Variants in UGT1A10 observed in about 807,000 individuals in gnomAD.
UGT1A10 encodes the protein UDP-glucuronosyltransferase 1A10.
Under a neutral mutation model 45.8 loss-of-function variants are expected in UGT1A10, and 49 were observed. That is an observed-to-expected ratio of 1.07 (90% CI 0.85 to 1.36). The LOEUF is 1.36. UGT1A10 is among the 40% of genes most tolerant of loss of function. The pLI, the probability that UGT1A10 is intolerant of heterozygous loss-of-function variation, is 0.00. For missense variants in UGT1A10, 745 were observed against 668.6 expected (o/e 1.11, Z -1.26); for synonymous variants, 284 against 249.7 (o/e 1.14, Z -1.29).
At chr2:233,767,621 C>T (rs149525417) in intron 2 of UGT1A10, among the ~76,000 whole-genome samples, 1 of 152,276 alleles carries the variant, frequency 6.6e-6, no homozygotes, top group African/African-American at 2.4e-5. Flanking sequence ...AAGTGCACAG[C>T]TTGATAAATT....
chr2:233,647,238 A>G (rs1247147233), intron 1 of UGT1A10, among the ~76,000 whole-genome samples: 1 of 152,212 alleles, frequency 6.6e-6, no homozygotes, highest in Non-Finnish European at 1.5e-5. Flanking sequence ...TTCCAATTCA[A>G]GATGAGCTTT....
chr2:233,749,114 A>G (rs113228961), intron 1 of UGT1A10, among the ~76,000 whole-genome samples: 3 of 151,858 alleles, frequency 2.0e-5, no homozygotes, highest in African/African-American at 7.3e-5. Flanking sequence ...CAGCCTTTTT[A>G]TGTCATATTC....
At chr2:233,704,839 G>C (rs561823899) in intron 1 of UGT1A10, among the ~76,000 whole-genome samples, 8 of 151,956 alleles carry the variant, frequency 5.3e-5, no homozygotes, top group Admixed American at 5.3e-4. Flanking sequence ...TTTAAAATCA[G>C]TTAAGAGAAT....
At chr2:233,689,514 G>T (rs2074948140) in intron 1 of UGT1A10, among the ~76,000 whole-genome samples, 1 of 152,216 alleles carries the variant, frequency 6.6e-6, no homozygotes, top group South Asian at 2.1e-4. Flanking sequence ...GTTACACATT[G>T]GTTTGGTCAT....
intron 1 of UGT1A10, chr2:233,761,072 A>T (rs1451879441): frequency 1.2e-6 from 2 of 1,614,208 alleles, no homozygotes; most frequent in Non-Finnish European, 1.7e-6. Flanking sequence ...GACTTTGTGA[A>T]GGATTACCCT....
At chr2:233,717,497 T>A (rs2076580358) in intron 1 of UGT1A10, among the ~76,000 whole-genome samples, 1 of 152,206 alleles carries the variant, frequency 6.6e-6, no homozygotes, top group Admixed American at 6.5e-5. Flanking sequence ...GTTATCAATG[T>A]GGATTTCTAA....
chr2:233,700,901 T>A (rs940046248), intron 1 of UGT1A10, among the ~76,000 whole-genome samples: 32 of 151,466 alleles, frequency 2.1e-4, no homozygotes, highest in Admixed American at 2.1e-3. Context: ...GTCCCCGGTG[T>A]GTGACGTTCC....
At chr2:233,719,656 T>G in intron 1 of UGT1A10, 1 of 1,614,106 alleles carries the variant, frequency 6.2e-7, no homozygotes, top group Non-Finnish European at 8.5e-7. Flanking sequence ...ATTGGGGGCA[T>G]CAACTGTGCC....
At chr2:233,697,250 C>T (rs1170124115) in intron 1 of UGT1A10, among the ~76,000 whole-genome samples, 1 of 152,006 alleles carries the variant, frequency 6.6e-6, no homozygotes, top group African/African-American at 2.4e-5. Flanking sequence ...CTGCTTCAAT[C>T]TTGTTACTTA....
chr2:233,664,451 G>T (rs560422900), intron 1 of UGT1A10, among the ~76,000 whole-genome samples: 25 of 152,230 alleles, frequency 1.6e-4, no homozygotes, highest in African/African-American at 6.0e-4. Context: ...CCTGAGACTG[G>T]GTAATTTATA....
chr2:233,713,465 G>T lies in UGT1A10; in HGVS notation c.856-53569G>T, dbSNP rs147117995. ...TAACAGACCCCTTTCACCTCTGCGCGGCGGTGCTGGCTAAGTACCTGTCGA... is the reference window on the plus strand; with the variant it reads ...TAACAGACCCCTTTCACCTCTGCGCTGCGGTGCTGGCTAAGTACCTGTCGA... On this transcript the variant is annotated intron_variant, in intron 1 of 4. Transcript: ENST00000344644. 3.1e-6 allele frequency: 5 copies of T among 1,613,916 alleles called. No homozygotes were observed. In the African/African-American group the frequency reaches 5.3e-5, roughly 17 times the overall value.
At chr2:233,723,514 A>G (rs2077090409) in intron 1 of UGT1A10, among the ~76,000 whole-genome samples, 1 of 107,644 alleles carries the variant, frequency 9.3e-6, no homozygotes, top group Non-Finnish European at 1.8e-5. Context: ...CTGGTCAACA[A>G]TCTTTTTTTT....
At chr2:233,744,873 T>C (rs991695756) in intron 1 of UGT1A10, among the ~76,000 whole-genome samples, 13 of 151,922 alleles carry the variant, frequency 8.6e-5, no homozygotes, top group African/African-American at 3.2e-4. Context: ...AAGGGATTAG[T>C]TTAGGACAAC....
chr2:233,695,021 G>T (rs1263498020), intron 1 of UGT1A10, among the ~76,000 whole-genome samples: 2 of 152,084 alleles, frequency 1.3e-5, no homozygotes, highest in South Asian at 2.1e-4. Flanking sequence ...ATTTTGAACT[G>T]CAGTATACAT....
At position 233,772,420 on chromosome 2, in the gene UGT1A10, C is replaced by G. The variant is rs72551360; in HGVS notation, c.1454C>G (p.Ser485Cys). Residue 485 changes from serine (S) to cysteine (C), a missense_variant, in exon 5 of 5, where the codon TCC becomes TGC. Ser to Cys is a moderately radical substitution (Grantham distance 112, BLOSUM62 -1). Coordinates refer to ENST00000344644, the MANE Select transcript of UGT1A10 (RefSeq NM_019075.4). ...GACCTCACCTGGTACCAGTACCATTCCTTGGACGTGATTGGTTTCCTCTTG... is the reference window on the plus strand; with the variant it reads ...GACCTCACCTGGTACCAGTACCATTGCTTGGACGTGATTGGTTTCCTCTTG... ...AHDLTWYQYH[S>C]LDVIGFLLAV... is the part of the protein sequence containing the mutation. The G allele has an allele frequency of 1.2e-6, 2 of 1,614,120 alleles. No homozygotes were observed. Among genetic ancestry groups the G allele is most frequent in the African/African-American group, 2.7e-5 (2 of 74,942 alleles).
At position 233,637,094 on chromosome 2, in the gene UGT1A10, C is replaced by T; in HGVS notation, c.572C>T (p.Pro191Leu). ...AQCPAPLSYVPNDLLGFSDAM... is the reference protein window; with the variant it reads ...AQCPAPLSYVLNDLLGFSDAM... ...TGCCCTGCTCCTCTTTCCTATGTCC[C>T]CAATGATCTCTTAGGGTTCTCAGAT... is the stretch of plus-strand genomic sequence containing the variant. Residue 191 changes from proline to leucine, a missense_variant, in exon 1 of 5, where the codon CCC becomes CTC. By Grantham distance (98) the Pro-to-Leu change is moderately conservative. Coordinates refer to ENST00000344644, the MANE Select transcript of UGT1A10 (RefSeq NM_019075.4). 6.2e-7 allele frequency: 1 copy of T among 1,613,932 alleles called. No homozygotes were observed. Among genetic ancestry groups the T allele is most frequent in the South Asian group, 1.1e-5 (1 of 91,064 alleles).
At chr2:233,742,942 C>G (rs1321055603) in intron 1 of UGT1A10, 1 of 213,758 alleles carries the variant, frequency 4.7e-6, no homozygotes, top group South Asian at 7.7e-5. Context: ...TGTCCTACCA[C>G]TAGCAAATAA....
chr2:233,676,926 T>C (rs1348935488), intron 1 of UGT1A10, among the ~76,000 whole-genome samples: 1 of 152,230 alleles, frequency 6.6e-6, no homozygotes, highest in Non-Finnish European at 1.5e-5. Context: ...TTCTGTTCTG[T>C]TGATCTATTT....
intron 4 of UGT1A10, chr2:233,771,063 C>A (rs913473960): frequency 6.6e-6 from 1 of 152,106 alleles, no homozygotes; most frequent in Non-Finnish European, 1.5e-5. Context: ...ATGACCGGCT[C>A]TCACAATAAC....
Sources: allele counts gnomAD v4.1 joint callset (sites outside exome capture counted in the v4.1 genomes callset), GRCh38; gene constraint gnomAD v4.1.1; transcripts MANE v1.5; gene names NCBI Gene and HGNC (gene_info 2026-07-23, HGNC 2026-07-21).